SETD2: variants seen among roughly 807,000 people sequenced by gnomAD.
The protein encoded by SETD2 is SET domain containing 2, histone lysine methyltransferase.
A neutral mutation model predicts 242.1 loss-of-function variants in SETD2; 31 were observed. The observed-to-expected ratio is 0.13, with a 90% CI of 0.10 to 0.17. The LOEUF (loss-of-function observed/expected upper bound fraction) is 0.17, where lower values mean the gene tolerates loss of function less well. Ranked by LOEUF, SETD2 falls within the 10% of genes least tolerant of loss-of-function variation. SETD2 has a pLI of 1.00. For synonymous variants in SETD2, 1,006 were observed against 1,066.5 expected (o/e 0.94, Z 1.11); for missense variants, 2,481 against 3,046.3 (o/e 0.81, Z 4.37).
In SETD2 at chr3:47,088,155, A is replaced by G; in HGVS notation, c.5235T>C (p.Ile1745=). ...AGGTAAGTTTCTGCTCCAAAGTTTCAATTCTAACCATTAGCCGGGATAAGC... is the reference window on the plus strand; with the variant it reads ...AGGTAAGTTTCTGCTCCAAAGTTTCGATTCTAACCATTAGCCGGGATAAGC... ...VLSLSRLMVR[I]ETLEQKLTCL... is the part of the protein sequence containing the mutation. Residue 1745 remains isoleucine (I), a synonymous_variant, in exon 10 of 21, where the codon ATT becomes ATC. Coordinates refer to ENST00000409792, the MANE Select transcript of SETD2 (RefSeq NM_014159.7). 6.2e-7 allele frequency: 1 copy of G among 1,614,026 alleles called. No homozygotes were observed. The highest frequency in any genetic ancestry group is 1.1e-5 in the South Asian group (1 of 91,070).
At chr3:47,042,271 A>G (rs1295416743) in intron 17 of SETD2, among the ~76,000 whole-genome samples, 1 of 152,264 alleles carries the variant, frequency 6.6e-6, no homozygotes, top group Non-Finnish European at 1.5e-5. Flanking sequence ...CTGAGGCACG[A>G]GAATCACTTG....
chr3:47,117,035 T>C (rs1266186397), intron 3 of SETD2, among the ~76,000 whole-genome samples: 2 of 151,910 alleles, frequency 1.3e-5, no homozygotes, highest in Non-Finnish European at 2.9e-5. Flanking sequence ...TTGTTTGTTC[T>C]TTAATATTCT....
rs1553694870 is a variant in SETD2 at position 47,101,633 on chromosome 3, T to TGTGTGTGTGC, written c.4918-79_4918-78insGCACACACAC. The TGTGTGTGTGC allele has an allele frequency of 2.7e-5, 18 of 670,384 alleles. No homozygotes were observed. In the African/African-American group the frequency reaches 2.9e-4, roughly 11 times the overall value. The allele number at this position is 670,384 out of a possible 1,614,324, so 41.5% of individuals were successfully genotyped here. On this transcript the variant is annotated intron_variant, in intron 7 of 20. Coordinates refer to ENST00000409792, the MANE Select transcript of SETD2 (RefSeq NM_014159.7). The stretch of plus-strand genomic sequence containing the variant: ...GTGTGTGTGTGTGTGTGTGTGTGTG[T>TGTGTGTGTGC]GCGCATATATAAAGATCATCATCAT...
intron 1 of SETD2, among the ~76,000 whole-genome samples, chr3:47,138,041 G>T (rs1468141645): frequency 1.4e-5 from 2 of 144,272 alleles, no homozygotes; most frequent in Admixed American, 6.9e-5. Flanking sequence ...GCGCGATCTC[G>T]GCTCACTGCA....
chr3:47,105,501 T>C (rs1177706131), intron 6 of SETD2, among the ~76,000 whole-genome samples: 2 of 151,790 alleles, frequency 1.3e-5, no homozygotes, highest in Admixed American at 6.6e-5. Flanking sequence ...TACATATATA[T>C]ATGTAAATTC....
chr3:47,056,657 C>T (rs2040094472), intron 15 of SETD2, among the ~76,000 whole-genome samples, 164 bp downstream of exon 15: 1 of 152,148 alleles, frequency 6.6e-6, no homozygotes, highest in Non-Finnish European at 1.5e-5. Flanking sequence ...TTGTCTTAAG[C>T]TGACAAGTTC....
intron 17 of SETD2, among the ~76,000 whole-genome samples, chr3:47,040,427 C>T (rs1301242189): frequency 1.3e-5 from 2 of 152,028 alleles, no homozygotes; most frequent in Non-Finnish European, 1.5e-5. Context: ...GGGTAGATGG[C>T]CCACACAAGT....
chr3:47,059,158 C>CCA (rs1243772717), intron 14 of SETD2, among the ~76,000 whole-genome samples: 3 of 144,144 alleles, frequency 2.1e-5, no homozygotes, highest in Non-Finnish European at 4.5e-5. Context: ...TTCTTGTCAC[C>CCA]CAGACTGGTG....
At chr3:47,163,658 A>G in intron 1 of SETD2, 196 bp downstream of exon 1, 1 of 348,366 alleles carries the variant, frequency 2.9e-6, no homozygotes, top group Non-Finnish European at 4.8e-6. Flanking sequence ...CGCCGGGCCC[A>G]ACCGCGGGCC....
At chr3:47,090,451 G>A (rs927893051) in intron 9 of SETD2, among the ~76,000 whole-genome samples, 5 of 151,774 alleles carry the variant, frequency 3.3e-5, no homozygotes, top group Admixed American at 6.6e-5. Context: ...GTGCAGTGGC[G>A]CGGATCTCAG....
intron 1 of SETD2, among the ~76,000 whole-genome samples, chr3:47,151,700 G>A (rs1463894082): frequency 6.6e-6 from 1 of 151,752 alleles, no homozygotes; most frequent in African/African-American, 2.4e-5. Flanking sequence ...GGTGGTACGC[G>A]CCTGTAATCC....
chr3:47,071,942 A>T (rs558159171), intron 12 of SETD2, among the ~76,000 whole-genome samples: 1 of 152,214 alleles, frequency 6.6e-6, no homozygotes, highest in African/African-American at 2.4e-5. Flanking sequence ...AATAATTTAT[A>T]AGAAATCTTT....
intron 6 of SETD2, among the ~76,000 whole-genome samples, chr3:47,104,803 G>C (rs945902356): frequency 2.0e-5 from 3 of 152,180 alleles, no homozygotes; most frequent in African/African-American, 7.2e-5. Flanking sequence ...TGGGTGTAGT[G>C]GTTCATGCCT....
chr3:47,093,811 T>G (rs1268960315), intron 9 of SETD2, among the ~76,000 whole-genome samples: 1 of 152,200 alleles, frequency 6.6e-6, no homozygotes, highest in African/African-American at 2.4e-5. Context: ...AGATCTGTTG[T>G]TCTTATGTAC....
chr3:47,101,633 TGC>T (rs59089794), intron 7 of SETD2, 78 bp from the exon 8 acceptor site: 18 of 670,244 alleles, frequency 2.7e-5, no homozygotes, highest in Admixed American at 7.8e-5. Flanking sequence ...TGTGTGTGTG[TGC>T]GCATATATAA....
chr3:47,030,692 T>A (rs927665383), intron 18 of SETD2, among the ~76,000 whole-genome samples: 3 of 152,152 alleles, frequency 2.0e-5, no homozygotes. Flanking sequence ...TATATTTTTA[T>A]TAGAAACTAT....
chr3:47,029,709 G>A (rs1379000622), intron 18 of SETD2, among the ~76,000 whole-genome samples: 3 of 151,784 alleles, frequency 2.0e-5, no homozygotes, highest in Non-Finnish European at 4.4e-5. Flanking sequence ...TGATTTGGGG[G>A]TATTTGCTTA....
intron 4 of SETD2, among the ~76,000 whole-genome samples, chr3:47,116,263 T>C (rs902294849): frequency 3.9e-5 from 6 of 152,192 alleles, no homozygotes; most frequent in Admixed American, 3.9e-4. Flanking sequence ...ACTTTATGCA[T>C]TTCTGAAATG....
chr3:47,067,909 T>TA (rs2040635541), intron 12 of SETD2, among the ~76,000 whole-genome samples: 2 of 152,200 alleles, frequency 1.3e-5, no homozygotes, highest in South Asian at 2.1e-4. Context: ...GTGTTTGTTA[T>TA]AAAAAATAAA....
Sources: gnomAD v4.1 joint callset for allele counts (sites outside exome capture counted in the v4.1 genomes callset) on GRCh38, gnomAD v4.1.1 for gene constraint, MANE v1.5 for transcripts, NCBI Gene and HGNC (gene_info 2026-07-23, HGNC 2026-07-21) for gene names.